Variants in UBAC2 observed in about 807,000 individuals in gnomAD.
UBAC2 encodes UBA domain containing 2.
A neutral mutation model predicts 44.0 loss-of-function variants in UBAC2; 26 were observed. The observed-to-expected ratio is 0.59, with a 90% CI of 0.43 to 0.82. The LOEUF is 0.82. UBAC2 is among the 40% of genes least tolerant of loss of function. The probability of loss-of-function intolerance (pLI) is 0.00; values close to 1 mark genes in which losing one functional copy is unlikely to be tolerated. For synonymous variants in UBAC2, 155 were observed against 154.3 expected, an observed-to-expected ratio of 1.00 and a Z score of -0.04; for missense variants, 329 against 419.4, an observed-to-expected ratio of 0.78 and a Z score of 1.88.
At chr13:99,327,284 A>G (rs2044652265) in intron 6 of UBAC2, among the ~76,000 whole-genome samples, 1 of 152,230 alleles carries the variant, frequency 6.6e-6, no homozygotes, top group Admixed American at 6.5e-5. Flanking sequence ...AGAAGTAGAG[A>G]TAAGGAAGAG....
Position 99,271,572 on chromosome 13 carries a change from T to C in UBAC2, c.389+26948T>C, listed in dbSNP as rs116307012. 4.6e-3 allele frequency among the ~76,000 whole-genome samples: 702 copies of C among 152,322 alleles called. 3 individuals carry two copies. Among genetic ancestry groups the C allele is most frequent in the African/African-American group, 0.016 (660 of 41,568 alleles). On this transcript the variant is annotated intron_variant, in intron 4 of 8. Transcript: ENST00000403766. Reference sequence around the variant, plus strand: ...CATGATGCTTTGGGAGATGAAGTCATGTTGGCCTGTGCTTTCTTTTCATTG... The same window carrying C: ...CATGATGCTTTGGGAGATGAAGTCACGTTGGCCTGTGCTTTCTTTTCATTG...
At chr13:99,376,691 A>T (rs1038324587) in intron 8 of UBAC2, among the ~76,000 whole-genome samples, 1 of 152,202 alleles carries the variant, frequency 6.6e-6, no homozygotes. Flanking sequence ...GGCGAACCCA[A>T]CTAGAGCTGG....
At chr13:99,305,798 C>T (rs2044324114) in intron 4 of UBAC2, among the ~76,000 whole-genome samples, 1 of 152,022 alleles carries the variant, frequency 6.6e-6, no homozygotes, top group African/African-American at 2.4e-5. Flanking sequence ...GCAGTGAACC[C>T]GCAGAGAGAA....
chr13:99,297,698 A>G (rs1468723463), intron 4 of UBAC2, among the ~76,000 whole-genome samples: 2 of 152,172 alleles, frequency 1.3e-5, no homozygotes, highest in Non-Finnish European at 2.9e-5. Context: ...ATGGGAAAAA[A>G]ACAAAGAATG....
intron 1 of UBAC2, among the ~76,000 whole-genome samples, chr13:99,237,879 T>C (rs2043257038): frequency 6.6e-6 from 1 of 152,108 alleles, no homozygotes; most frequent in African/African-American, 2.4e-5. Context: ...CGCTTGAACC[T>C]GGGAGGTGGA....
intron 4 of UBAC2, among the ~76,000 whole-genome samples, chr13:99,293,973 G>T (rs1229665650): frequency 6.6e-6 from 1 of 152,086 alleles, no homozygotes; most frequent in African/African-American, 2.4e-5. Flanking sequence ...TAGTTTTGGG[G>T]ATAAAACAAA....
intron 7 of UBAC2, among the ~76,000 whole-genome samples, chr13:99,341,776 A>G (rs877856): frequency 0.38 from 57,963 of 152,046 alleles, 12,307 homozygotes; most frequent in Non-Finnish European, 0.48. Flanking sequence ...AGCGAAAGGT[A>G]TGAGAAATCA....
rs76381801 is a variant in UBAC2 at position 99,260,826 on chromosome 13, G to T, written c.389+16202G>T. Among the ~76,000 whole-genome samples the T allele has an allele frequency of 2.5e-3, 375 of 152,210 alleles. 1 individual carries two copies. Among genetic ancestry groups the T allele is most frequent in the Non-Finnish European group, 4.3e-3 (292 of 68,020 alleles). ...GGAGAAATGTTTCACTTGCAAAAGA[G>T]GGATTTTACTTATTCCCAGAGACTG... On this transcript the variant is annotated intron_variant, in intron 4 of 8. Transcript: ENST00000403766.
chr13:99,319,562 C>CA (rs2044541929), intron 6 of UBAC2, among the ~76,000 whole-genome samples: 1 of 152,212 alleles, frequency 6.6e-6, no homozygotes. Context: ...TTGTTCCCCA[C>CA]AGCTGATATG....
intron 4 of UBAC2, chr13:99,254,958 A>G: frequency 6.2e-7 from 1 of 1,614,060 alleles, no homozygotes; most frequent in Non-Finnish European, 8.5e-7. Flanking sequence ...TTCGAAGGTA[A>G]TTACGGTATA....
intron 4 of UBAC2, among the ~76,000 whole-genome samples, chr13:99,304,255 C>T (rs2044298142): frequency 6.6e-6 from 1 of 152,172 alleles, no homozygotes; most frequent in Non-Finnish European, 1.5e-5. Flanking sequence ...AACATTCTTC[C>T]CTCTGTTTGA....
chr13:99,218,618 C>T (rs540203167), intron 1 of UBAC2, among the ~76,000 whole-genome samples: 10 of 152,118 alleles, frequency 6.6e-5, no homozygotes, highest in South Asian at 2.1e-4. Flanking sequence ...GCACTCTGCC[C>T]GGTTGTCTGG....
intron 4 of UBAC2, among the ~76,000 whole-genome samples, chr13:99,270,249 T>A (rs1206430027): frequency 6.6e-6 from 1 of 152,230 alleles, no homozygotes; most frequent in Non-Finnish European, 1.5e-5. Flanking sequence ...TGAAAATTAT[T>A]GAGCTAATCA....
chr13:99,205,311 T>C (rs1363694339), intron 1 of UBAC2, among the ~76,000 whole-genome samples: 1 of 152,070 alleles, frequency 6.6e-6, no homozygotes, highest in African/African-American at 2.4e-5. Context: ...GTGATAGGAC[T>C]GAGTTGTGAG....
intron 1 of UBAC2, among the ~76,000 whole-genome samples, chr13:99,211,222 C>T (rs1229224916): frequency 6.6e-6 from 1 of 152,150 alleles, no homozygotes; most frequent in Non-Finnish European, 1.5e-5. Flanking sequence ...CCTCCACAAA[C>T]GAGTCTTTTC....
At chr13:99,298,080 C>G (rs551893774) in intron 4 of UBAC2, among the ~76,000 whole-genome samples, 5 of 152,108 alleles carry the variant, frequency 3.3e-5, no homozygotes, top group African/African-American at 1.2e-4. Context: ...CAAAATTTGA[C>G]GGAATTTGAA....
chr13:99,365,787 T>A (rs1188721960), intron 7 of UBAC2, among the ~76,000 whole-genome samples: 1 of 152,218 alleles, frequency 6.6e-6, no homozygotes, highest in African/African-American at 2.4e-5. Context: ...TGTTATTTTT[T>A]ATATTATTTT....
intron 4 of UBAC2, among the ~76,000 whole-genome samples, chr13:99,261,983 C>G (rs1396099774): frequency 2.0e-5 from 3 of 152,126 alleles, no homozygotes; most frequent in African/African-American, 7.2e-5. Context: ...CAGAAATAAA[C>G]AATTCATAAG....
At chr13:99,219,672 A>G (rs1259634420) in intron 1 of UBAC2, among the ~76,000 whole-genome samples, 2 of 152,232 alleles carry the variant, frequency 1.3e-5, no homozygotes, top group Non-Finnish European at 2.9e-5. Context: ...AGTGTGGCCC[A>G]GGGAAACCAA....
Sources: gnomAD v4.1 joint callset for allele counts (sites outside exome capture counted in the v4.1 genomes callset) on GRCh38, gnomAD v4.1.1 for gene constraint, MANE v1.5 for transcripts, NCBI Gene and HGNC (gene_info 2026-07-23, HGNC 2026-07-21) for gene names.